The following FYCO1 variants were observed in gnomAD, a reference collection of about 807,000 sequenced individuals.
FYCO1 encodes FYVE and coiled-coil domain-containing protein 1.
Under a neutral mutation model 165.1 loss-of-function variants are expected in FYCO1, and 122 were observed. The ratio of observed to expected loss-of-function variants is 0.74; its 90% confidence interval spans 0.64 to 0.86. The LOEUF is 0.86. FYCO1 is among the 40% of genes least tolerant of loss of function. The probability of loss-of-function intolerance (pLI) is 0.00; values close to 1 mark genes in which losing one functional copy is unlikely to be tolerated. For synonymous variants in FYCO1, 648 were observed against 742.5 expected, an observed-to-expected ratio of 0.87 and a Z score of 2.07; for missense variants, 1,702 against 1,810.3, an observed-to-expected ratio of 0.94 and a Z score of 1.09.
At chr3:45,988,796 T>C (rs1367710483) in intron 1 of FYCO1, among the ~76,000 whole-genome samples, 1 of 152,238 alleles carries the variant, frequency 6.6e-6, no homozygotes, top group African/African-American at 2.4e-5. Context: ...TTAAAATTCT[T>C]ATTTTTCACT....
chr3:45,934,439 C>T (rs1054367130), intron 15 of FYCO1, among the ~76,000 whole-genome samples: 1 of 152,142 alleles, frequency 6.6e-6, no homozygotes, highest in Non-Finnish European at 1.5e-5. Context: ...ATTTGAATGC[C>T]AGGGGATTTC....
chr3:45,971,845 A>C (rs1213467793), intron 6 of FYCO1, among the ~76,000 whole-genome samples: 1 of 152,234 alleles, frequency 6.6e-6, no homozygotes, highest in African/African-American at 2.4e-5. Flanking sequence ...TAAAATTTAA[A>C]TGAGATCTGT....
chr3:45,943,243 T>C (rs763429364), intron 14 of FYCO1, among the ~76,000 whole-genome samples: 4 of 152,302 alleles, frequency 2.6e-5, no homozygotes, highest in Middle Eastern at 3.4e-3. Flanking sequence ...TTGTTCCCCT[T>C]TAGTTTACGA....
At chr3:45,970,015 T>G (rs1355778087) in intron 6 of FYCO1, among the ~76,000 whole-genome samples, 1 of 152,258 alleles carries the variant, frequency 6.6e-6, no homozygotes, top group African/African-American at 2.4e-5. Context: ...TGAACATGTA[T>G]TTCCCACTAT....
At chr3:45,994,689 A>G (rs1417070510) in intron 1 of FYCO1, among the ~76,000 whole-genome samples, 1 of 150,166 alleles carries the variant, frequency 6.7e-6, no homozygotes, top group East Asian at 2.0e-4. Flanking sequence ...CAGCCGCATT[A>G]GGCAGATGGC....
At position 45,985,016 on chromosome 3, in the gene FYCO1, G is replaced by T; in HGVS notation, c.-106C>A. The T allele has an allele frequency of 9.6e-7, 1 of 1,036,868 alleles. No homozygotes were observed. Among genetic ancestry groups the T allele is most frequent in the Non-Finnish European group, 1.5e-6 (1 of 654,642 alleles). 64.2% of individuals were successfully genotyped at this position (1,036,868 alleles called of 1,614,324 possible). ...TGCTCAGCAGTGGTCAGACTCCATG[G>T]TGGCACCTGCACAGAGGAAGGGGAG... On this transcript the variant is annotated 5_prime_UTR_variant, in exon 2 of 18. Coordinates refer to ENST00000296137, the MANE Select transcript of FYCO1 (RefSeq NM_024513.4).
At chr3:45,926,539 C>T (rs1234423897) in intron 16 of FYCO1, among the ~76,000 whole-genome samples, 1 of 152,176 alleles carries the variant, frequency 6.6e-6, no homozygotes, top group African/African-American at 2.4e-5. Flanking sequence ...GAGAGATGGA[C>T]AAATTCACAA....
intron 13 of FYCO1, among the ~76,000 whole-genome samples, chr3:45,958,046 G>A (rs1705451307): frequency 6.6e-6 from 1 of 152,204 alleles, no homozygotes; most frequent in African/African-American, 2.4e-5. Flanking sequence ...TGAAGGATAT[G>A]GATGGTTCCA....
intron 1 of FYCO1, among the ~76,000 whole-genome samples, chr3:45,985,826 G>A (rs1241151600): frequency 6.6e-6 from 1 of 152,256 alleles, no homozygotes; most frequent in Non-Finnish European, 1.5e-5. Context: ...AAAGAGATGT[G>A]AGCACATTGG....
intron 15 of FYCO1, among the ~76,000 whole-genome samples, chr3:45,932,670 G>A (rs139331543): frequency 4.2e-4 from 64 of 152,322 alleles, no homozygotes; most frequent in Middle Eastern, 6.8e-3. Flanking sequence ...CTGTGGAGAT[G>A]AATGGACAGA....
At chr3:45,931,500 C>A (rs908323541) in intron 15 of FYCO1, among the ~76,000 whole-genome samples, 1 of 152,150 alleles carries the variant, frequency 6.6e-6, no homozygotes, top group Non-Finnish European at 1.5e-5. Flanking sequence ...GGTCTAGGCA[C>A]GGAGGAGACA....
Position 45,993,685 on chromosome 3 carries a change from G to A in FYCO1, c.-113+2037C>T, listed in dbSNP as rs918228559. On this transcript the variant is annotated intron_variant, in intron 1 of 17. Coordinates refer to ENST00000296137, the MANE Select transcript of FYCO1 (RefSeq NM_024513.4). The surrounding 1 kb of genome is among the most constrained non-coding windows in gnomAD (Gnocchi z 4.4). ...TCACAAGTTGCCTCTGTAATCACAG[G>A]CACCAGTTAATGACCCTTACCTGCT... Among the ~76,000 whole-genome samples the A allele has an allele frequency of 2.0e-5, 3 of 152,112 alleles. No individual in the cohort carries two copies. Among genetic ancestry groups the A allele is most frequent in the African/African-American group, 7.2e-5 (3 of 41,406 alleles).
At chr3:45,942,532 A>G (rs1038945513) in intron 14 of FYCO1, among the ~76,000 whole-genome samples, 1 of 152,196 alleles carries the variant, frequency 6.6e-6, no homozygotes, top group Non-Finnish European at 1.5e-5. Flanking sequence ...AAGGCAGGCC[A>G]GGCACCTCCA....
intron 16 of FYCO1, among the ~76,000 whole-genome samples, chr3:45,924,054 G>A (rs1004256161): frequency 1.3e-5 from 2 of 152,184 alleles, no homozygotes; most frequent in African/African-American, 2.4e-5. Context: ...CACTCCATGG[G>A]CTAAAGGAGA....
rs375421182 is a variant in FYCO1 at position 45,920,177 on chromosome 3, TGG to T, written c.*1586_*1587del. 5.7e-3 allele frequency: 863 copies of T among 152,602 alleles called. 5 individuals are homozygous for T. The highest frequency in any genetic ancestry group is 7.2e-3 in the Non-Finnish European group (488 of 68,236). The allele number at this position is 152,602 out of a possible 1,614,324, so 9.5% of individuals were successfully genotyped here. Reference sequence around the variant, plus strand: ...GTGGCCCCACAAAAGTCCTCTTTGTTGGTGGTGAGGTTGTGGCTGCTGGTGTG... The same window carrying T: ...GTGGCCCCACAAAAGTCCTCTTTGTTTGGTGAGGTTGTGGCTGCTGGTGTG... On this transcript the variant is annotated 3_prime_UTR_variant, in exon 18 of 18. Transcript: ENST00000296137.
At position 45,966,486 on chromosome 3, in the gene FYCO1, G is replaced by A; in HGVS notation, c.2848C>T (p.Gln950Ter). The change falls in exon 8 of 18, where the codon CAA becomes TAA. Residue 950 changes from glutamine (Q) to a stop codon, truncating the protein, a stop_gained. Coordinates refer to ENST00000296137, the MANE Select transcript of FYCO1 (RefSeq NM_024513.4). LOFTEE classifies it high-confidence loss of function. ...ASREREGLER[Q>*]VAGLQQEKES... is the part of the protein sequence containing the mutation. ...TTCTCTTGCTGCAGCCCAGCTACTT[G>A]GCGCTCCAGGCCCTCTCGCTCCCTT... 1 of 1,610,364 alleles carries A rather than the reference G, an allele frequency of 6.2e-7. No individual in the cohort carries two copies. Among genetic ancestry groups the A allele is most frequent in the Admixed American group, 1.7e-5 (1 of 59,938 alleles).
At chr3:45,927,837 T>G (rs1467235560) in intron 16 of FYCO1, among the ~76,000 whole-genome samples, 1 of 152,228 alleles carries the variant, frequency 6.6e-6, no homozygotes, top group Non-Finnish European at 1.5e-5. Context: ...GACCTTGGTG[T>G]GCCCACCCTG....
intron 13 of FYCO1, among the ~76,000 whole-genome samples, chr3:45,957,137 G>C (rs1324736600): frequency 6.6e-6 from 1 of 152,172 alleles, no homozygotes; most frequent in African/African-American, 2.4e-5. Flanking sequence ...AATAAGGTCG[G>C]TTTTTGACAA....
chr3:45,941,243 G>C (rs1704208359), intron 14 of FYCO1: 2 of 152,214 alleles, frequency 1.3e-5, no homozygotes, highest in Non-Finnish European at 2.9e-5. Context: ...GCCAACAACT[G>C]TAAATGTCTC....
Sources: allele counts gnomAD v4.1 joint callset (sites outside exome capture counted in the v4.1 genomes callset), GRCh38; gene constraint gnomAD v4.1.1; non-coding constraint Gnocchi (gnomAD v3.1); transcripts MANE v1.5; gene names NCBI Gene and HGNC (gene_info 2026-07-23, HGNC 2026-07-21).